The following GSN variants were observed in gnomAD, a reference collection of about 807,000 sequenced individuals.
The protein encoded by GSN is actin-depolymerizing factor.
In GSN, 56 loss-of-function variants were observed where a neutral mutation model predicts 85.7. That is an observed-to-expected ratio of 0.65 (90% CI 0.53 to 0.82). GSN has a LOEUF of 0.82. Among genes scored for constraint, GSN ranks in the 40% least tolerant of loss-of-function variants. The pLI is 0.00. For synonymous variants in GSN, 373 were observed against 399.1 expected (o/e 0.93, Z 0.78); for missense variants, 857 against 979.8 (o/e 0.87, Z 1.67).
Position 121,299,813 on chromosome 9 carries a change from C to T in GSN, c.-9-2150C>T, listed in dbSNP as rs1481281793. The T allele has an allele frequency of 3.5e-5, 45 of 1,295,372 alleles. No individual in the cohort carries two copies. Among genetic ancestry groups the T allele is most frequent in the Non-Finnish European group, 4.3e-5 (44 of 1,015,584 alleles). The allele number at this position is 1,295,372 out of a possible 1,614,324, so 80.2% of individuals were successfully genotyped here. A position where few individuals can be genotyped will look rare whatever the true frequency, so the allele number is the denominator to read the frequency against. On this transcript the variant is annotated intron_variant, in intron 2 of 17. Transcript: ENST00000432226. This position sits in a 1 kb window ranked among gnomAD's most constrained non-coding sequence, Gnocchi z 4.2. ...TGGGCGGGCGGCTACTTAAGGTCGG[C>T]GACCCGAGGCCGCGGCTGCCGACTG... is the stretch of plus-strand genomic sequence containing the variant.
chr9:121,273,634 C>T (rs2056292274), intron 1 of GSN, among the ~76,000 whole-genome samples: 2 of 152,236 alleles, frequency 1.3e-5, no homozygotes, highest in Non-Finnish European at 2.9e-5. Flanking sequence ...TACCCCCACA[C>T]AATTATCCTA....
intron 5 of GSN, among the ~76,000 whole-genome samples, chr9:121,244,755 A>T (rs115057962): frequency 0.013 from 1,964 of 152,344 alleles, 38 homozygotes; most frequent in African/African-American, 0.045. Flanking sequence ...ACTACAAGGG[A>T]CAAGAAATTA....
intron 4 of GSN, among the ~76,000 whole-genome samples, chr9:121,308,022 A>T (rs2060610934): frequency 6.6e-6 from 1 of 152,014 alleles, no homozygotes; most frequent in Admixed American, 6.5e-5. Flanking sequence ...GTCCCAACTC[A>T]CTCCTTCCTG....
chr9:121,274,549 G>A (rs574625669), intron 1 of GSN, among the ~76,000 whole-genome samples: 56 of 152,244 alleles, frequency 3.7e-4, no homozygotes, highest in Non-Finnish European at 6.6e-4. Context: ...ACACGGTAAG[G>A]AAGTCTTTAT....
At position 121,286,464 on chromosome 9, in the gene GSN, G is replaced by A. The variant is rs987463004; in HGVS notation, c.-10+4902G>A. ...AAACTGTTTACGCTTCCTTGTGCAGGCCACACCCCCAAGCCTTTGCGTCTG... is the reference window on the plus strand; with the variant it reads ...AAACTGTTTACGCTTCCTTGTGCAGACCACACCCCCAAGCCTTTGCGTCTG... On this transcript the variant is annotated intron_variant, in intron 2 of 17. Coordinates refer to ENST00000432226, the MANE Select transcript of GSN (RefSeq NM_198252.3). 17 of 769,756 alleles carry A rather than the reference G, an allele frequency of 2.2e-5. 2 individuals carry two copies. In the South Asian group the frequency reaches 3.2e-4, roughly 15 times the overall value. The allele number at this position is 769,756 out of a possible 1,614,324, so 47.7% of individuals were successfully genotyped here.
chr9:121,205,734 G>A (rs540916924), upstream of GSN, among the ~76,000 whole-genome samples: 3 of 152,236 alleles, frequency 2.0e-5, no homozygotes, highest in South Asian at 2.1e-4. Context: ...CTCCAGGTGT[G>A]CAGGTTGTTT....
At chr9:121,230,988 A>G (rs1472766033) in intron 4 of GSN, among the ~76,000 whole-genome samples, 1 of 152,166 alleles carries the variant, frequency 6.6e-6, no homozygotes, top group Non-Finnish European at 1.5e-5. Flanking sequence ...CACTCAATGG[A>G]TTTCATGAGC....
chr9:121,245,467 A>C (rs922227995), intron 5 of GSN, among the ~76,000 whole-genome samples: 3 of 152,058 alleles, frequency 2.0e-5, no homozygotes, highest in African/African-American at 7.2e-5. Flanking sequence ...AGCAATCCTC[A>C]TGCCTCAGCC....
intron 2 of GSN, among the ~76,000 whole-genome samples, chr9:121,293,231 G>C (rs911548568): frequency 2.0e-5 from 3 of 152,200 alleles, no homozygotes; most frequent in African/African-American, 7.2e-5. Flanking sequence ...ACCCTGGCCA[G>C]ATGCACAAAC....
chr9:121,325,213 C>T (rs2063007835), intron 12 of GSN, among the ~76,000 whole-genome samples: 1 of 152,190 alleles, frequency 6.6e-6, no homozygotes, highest in Non-Finnish European at 1.5e-5. Flanking sequence ...CCCCCTTATA[C>T]ATATGTGTTA....
At chr9:121,242,857 A>G (rs1242419362) in intron 5 of GSN, among the ~76,000 whole-genome samples, 1 of 152,170 alleles carries the variant, frequency 6.6e-6, no homozygotes, top group African/African-American at 2.4e-5. Context: ...TTTCCTTAAG[A>G]AAGAGGAAAA....
At chr9:121,236,056 C>T (rs2054486148) in intron 5 of GSN, among the ~76,000 whole-genome samples, 1 of 152,204 alleles carries the variant, frequency 6.6e-6, no homozygotes, top group Non-Finnish European at 1.5e-5. Flanking sequence ...AAGGTGTCCA[C>T]AGGACCACAT....
At chr9:121,322,330 T>G (rs572325292) in intron 11 of GSN, among the ~76,000 whole-genome samples, 2 of 152,358 alleles carry the variant, frequency 1.3e-5, no homozygotes, top group East Asian at 3.9e-4. Context: ...GACTCCATTC[T>G]TCCTAGAGAT....
In GSN at chr9:121,318,409, A is replaced by G. The variant is rs2061967222; in HGVS notation, c.890A>G (p.Lys297Arg). ...KDGKIFVWKG[K>R]QANTEERKAA... Reference sequence around the variant, plus strand: ...CACTTCCTCTGGCTGCCAACAGGCAAGCAGGCAAACACGGAGGAGAGGAAG... The same window carrying G: ...CACTTCCTCTGGCTGCCAACAGGCAGGCAGGCAAACACGGAGGAGAGGAAG... The change falls in exon 9 of 18, where the codon AAG becomes AGG. Residue 297 changes from lysine (K) to arginine (R), a missense_variant. Lys to Arg is a conservative substitution (Grantham distance 26). Coordinates refer to ENST00000432226, the MANE Select transcript of GSN (RefSeq NM_198252.3). This position sits in a 1 kb window ranked among gnomAD's most constrained non-coding sequence, Gnocchi z 4.3. 1.2e-6 allele frequency: 2 copies of G among 1,613,606 alleles called. No homozygotes were observed. Among genetic ancestry groups the G allele is most frequent in the South Asian group, 2.2e-5 (2 of 91,074 alleles).
At chr9:121,321,477 G>T in intron 11 of GSN, 76 bp downstream of exon 11, 1 of 1,461,600 alleles carries the variant, frequency 6.8e-7, no homozygotes, top group Non-Finnish European at 9.5e-7. Flanking sequence ...ACAAACTGAG[G>T]GTGTGAGGGC....
intron 7 of GSN, among the ~76,000 whole-genome samples, chr9:121,314,463 A>G (rs537414258): frequency 9.7e-4 from 147 of 152,320 alleles, no homozygotes; most frequent in African/African-American, 3.4e-3. Flanking sequence ...TGTGATTTTC[A>G]CAACTGAATT....
chr9:121,295,717 G>T (rs1021050957), intron 2 of GSN, among the ~76,000 whole-genome samples: 2 of 152,182 alleles, frequency 1.3e-5, no homozygotes, highest in East Asian at 1.9e-4. Flanking sequence ...CCCCCAGGGG[G>T]ACATGGGCTG....
chr9:121,292,445 T>G (rs1469014396), intron 2 of GSN, among the ~76,000 whole-genome samples: 1 of 152,144 alleles, frequency 6.6e-6, no homozygotes, highest in Non-Finnish European at 1.5e-5. Flanking sequence ...ATAGGGCAGG[T>G]ATAGGGGCCA....
chr9:121,243,255 G>C (rs1305408844), intron 5 of GSN, among the ~76,000 whole-genome samples: 1 of 152,124 alleles, frequency 6.6e-6, no homozygotes, highest in African/African-American at 2.4e-5. Context: ...TCGGATCTCT[G>C]TTCTGTCTTC....
Sources: gnomAD v4.1 joint callset for allele counts (sites outside exome capture counted in the v4.1 genomes callset) on GRCh38, gnomAD v4.1.1 for gene constraint, Gnocchi (gnomAD v3.1) non-coding constraint, MANE v1.5 for transcripts, NCBI Gene and HGNC (gene_info 2026-07-23, HGNC 2026-07-21) for gene names.